The following PTGIS variants were observed in gnomAD, a reference collection of about 807,000 sequenced individuals.
PTGIS encodes prostacyclin synthase.
A neutral mutation model predicts 50.3 loss-of-function variants in PTGIS; 45 were observed. The observed-to-expected ratio is 0.90, with a 90% CI of 0.70 to 1.15. The LOEUF (loss-of-function observed/expected upper bound fraction) is 1.15. Ranked by LOEUF, PTGIS falls within the 50% of genes most tolerant of loss-of-function variation. The probability of loss-of-function intolerance (pLI) is 0.00; values close to 1 mark genes in which losing one functional copy is unlikely to be tolerated. For synonymous variants in PTGIS, 260 were observed against 267.7 expected (o/e 0.97, Z 0.28); for missense variants, 668 against 661.3 (o/e 1.01, Z -0.11).
At chr20:49,564,872 GA>G (rs1465527356) in intron 1 of PTGIS, among the ~76,000 whole-genome samples, 2 of 151,914 alleles carry the variant, frequency 1.3e-5, no homozygotes, top group East Asian at 3.9e-4. Context: ...TCAGGATAAA[GA>G]AATGAGACAA....
chr20:49,518,493 T>A (rs1487352907), intron 6 of PTGIS, among the ~76,000 whole-genome samples: 2 of 152,178 alleles, frequency 1.3e-5, no homozygotes, highest in Non-Finnish European at 2.9e-5. Flanking sequence ...AAGTATAGAC[T>A]TTAGTTACTA....
chr20:49,531,067 G>A (rs1981922883), intron 5 of PTGIS, among the ~76,000 whole-genome samples: 1 of 152,034 alleles, frequency 6.6e-6, no homozygotes. Flanking sequence ...ATGTTATTTG[G>A]AATTTTTGGT....
At chr20:49,513,464 G>A (rs910405317) in intron 7 of PTGIS, among the ~76,000 whole-genome samples, 17 of 152,042 alleles carry the variant, frequency 1.1e-4, no homozygotes, top group African/African-American at 4.1e-4. Context: ...GAACATGAGG[G>A]TATCCAGGTC....
intron 3 of PTGIS, among the ~76,000 whole-genome samples, chr20:49,544,754 G>A (rs2122883558): frequency 6.6e-6 from 1 of 152,256 alleles, no homozygotes; most frequent in Non-Finnish European, 1.5e-5. Flanking sequence ...ACTTGCCCAA[G>A]GTCACACAGC....
chr20:49,533,592 C>G (rs1022786043), intron 5 of PTGIS, among the ~76,000 whole-genome samples: 2 of 152,198 alleles, frequency 1.3e-5, no homozygotes, highest in Non-Finnish European at 2.9e-5. Context: ...AAGTCCACAT[C>G]TTGTAAAAAA....
intron 1 of PTGIS, among the ~76,000 whole-genome samples, chr20:49,559,950 A>C (rs1336802567): frequency 6.7e-6 from 1 of 149,784 alleles, no homozygotes; most frequent in African/African-American, 2.5e-5. Context: ...TTTGAGACGG[A>C]ATCTTGGTCT....
rs36033143 is a variant in PTGIS at position 49,527,289 on chromosome 20, C to CAAA, written c.674-3053_674-3051dup. ...GTGAAACCCTGTCTCTACTAAAATA[C>CAAA]AAAAAAAAAAAAAAAAAATTAGCCA... On this transcript the variant is annotated intron_variant, in intron 5 of 9. Transcript: ENST00000244043. Among the ~76,000 whole-genome samples the CAAA allele has an allele frequency of 2.7e-4, 30 of 111,196 alleles. No individual in the cohort carries two copies. In the South Asian group the frequency reaches 3.2e-3, roughly 12 times the overall value. 72.9% of individuals were successfully genotyped at this position (111,196 alleles called of 152,430 possible).
chr20:49,515,946 T>C (rs1981461977), intron 6 of PTGIS, among the ~76,000 whole-genome samples: 1 of 151,684 alleles, frequency 6.6e-6, no homozygotes, highest in Non-Finnish European at 1.5e-5. Flanking sequence ...AGTGGCACAA[T>C]CATAGCTCAC....
rs888886123 is a variant in PTGIS at position 49,547,916 on chromosome 20, A to G, written c.302T>C (p.Ile101Thr). 1.2e-6 allele frequency: 2 copies of G among 1,614,142 alleles called. No individual in the cohort carries two copies. The highest frequency in any genetic ancestry group is 1.7e-5 in the Admixed American group (1 of 60,028). The change falls in exon 3 of 10, where the codon ATC becomes ACC. Residue 101 changes from isoleucine (I) to threonine (T), a missense_variant. Transcript: ENST00000244043. The stretch of plus-strand genomic sequence containing the variant: ...ATCAAAAATCCTCTCCATGAGGAAG[A>G]TGGCATAGGCATGGAAGTCGAGCCT... ...RTRLDFHAYA[I>T]FLMERIFDVQ...
chr20:49,542,075 G>A (rs1260113680), intron 4 of PTGIS, among the ~76,000 whole-genome samples: 1 of 152,158 alleles, frequency 6.6e-6, no homozygotes, highest in South Asian at 2.1e-4. Flanking sequence ...CCAGGCAAGG[G>A]AACAGAAATA....
At chr20:49,541,876 T>C (rs1442465022) in intron 4 of PTGIS, among the ~76,000 whole-genome samples, 1 of 152,060 alleles carries the variant, frequency 6.6e-6, no homozygotes, top group Admixed American at 6.5e-5. Flanking sequence ...ATCCCATATG[T>C]AAATACACAC....
chr20:49,524,340 G>T, intron 5 of PTGIS, 101 bp from the exon 6 acceptor site: 2 of 1,348,920 alleles, frequency 1.5e-6, no homozygotes, highest in Non-Finnish European at 2.0e-6. Context: ...TCTTCTGAAT[G>T]TCACTCATTG....
chr20:49,519,103 C>A (rs1981575728), intron 6 of PTGIS, among the ~76,000 whole-genome samples: 1 of 152,080 alleles, frequency 6.6e-6, no homozygotes, highest in Non-Finnish European at 1.5e-5. Context: ...GGCAGGGAAG[C>A]CTGACCTGTG....
chr20:49,522,777 C>T (rs1981684637), intron 6 of PTGIS, among the ~76,000 whole-genome samples: 1 of 152,182 alleles, frequency 6.6e-6, no homozygotes, highest in South Asian at 2.1e-4. Flanking sequence ...GTAATCTCAG[C>T]ACCTTGGGAG....
intron 1 of PTGIS, among the ~76,000 whole-genome samples, chr20:49,560,434 G>A (rs1982740578): frequency 6.7e-6 from 1 of 148,192 alleles, no homozygotes. Flanking sequence ...TTAACTCTTG[G>A]GCTCAAGCAC....
At chr20:49,511,614 G>A (rs1981322265) in intron 8 of PTGIS, among the ~76,000 whole-genome samples, 1 of 152,076 alleles carries the variant, frequency 6.6e-6, no homozygotes, top group East Asian at 1.9e-4. Flanking sequence ...TATATTCTAT[G>A]ATATATATTA....
chr20:49,525,526 G>A (rs1340576925), intron 5 of PTGIS, among the ~76,000 whole-genome samples: 1 of 151,816 alleles, frequency 6.6e-6, no homozygotes, highest in Non-Finnish European at 1.5e-5. Flanking sequence ...ACTGGTAAGG[G>A]GATAAAGCCG....
intron 5 of PTGIS, among the ~76,000 whole-genome samples, chr20:49,526,864 G>A (rs1273958595): frequency 6.6e-6 from 1 of 152,198 alleles, no homozygotes; most frequent in East Asian, 1.9e-4. Context: ...GAACCCTTAT[G>A]CATTGCTGGT....
intron 5 of PTGIS, 107 bp downstream of exon 5, chr20:49,539,463 G>A: frequency 7.7e-7 from 1 of 1,306,436 alleles, no homozygotes; most frequent in Admixed American, 2.1e-5. Context: ...CCTGGGCATT[G>A]GATGTCTTTC....
Sources: allele counts gnomAD v4.1 joint callset (sites outside exome capture counted in the v4.1 genomes callset), GRCh38; gene constraint gnomAD v4.1.1; transcripts MANE v1.5; gene names NCBI Gene and HGNC (gene_info 2026-07-23, HGNC 2026-07-21).